GRHL2: variants seen among roughly 807,000 people sequenced by gnomAD.
GRHL2 encodes the protein grainyhead-like protein 2 homolog.
In GRHL2, 21 loss-of-function variants were observed where a neutral mutation model predicts 83.8. That is an observed-to-expected ratio of 0.25 (90% CI 0.18 to 0.36). GRHL2 has a LOEUF of 0.36. GRHL2 is among the 10% of genes least tolerant of loss of function. The pLI is 1.00. For missense variants in GRHL2, 623 were observed against 781.8 expected (o/e 0.80, Z 2.42); for synonymous variants, 280 against 278.9 (o/e 1.00, Z -0.04).
downstream of GRHL2, among the ~76,000 whole-genome samples, chr8:101,671,077 C>A (rs1426263422): frequency 6.6e-6 from 1 of 152,202 alleles, no homozygotes; most frequent in Non-Finnish European, 1.5e-5. Flanking sequence ...CTCCGGTCTA[C>A]AGCTCCCAGC....
In GRHL2 at chr8:101,669,183, C is replaced by T. The variant is rs1033587401; in HGVS notation, c.*2480C>T. ...ACTTGCCGCCTCTTCTTTTTTGTCCCTTAATCAAACTCAAATAAGCTTAAA... is the reference window on the plus strand; with the variant it reads ...ACTTGCCGCCTCTTCTTTTTTGTCCTTTAATCAAACTCAAATAAGCTTAAA... On this transcript the variant is annotated 3_prime_UTR_variant, in exon 16 of 16. Coordinates refer to ENST00000646743, the MANE Select transcript of GRHL2 (RefSeq NM_024915.4). 3 of 149,970 alleles carry T rather than the reference C, an allele frequency of 2.0e-5. No individual in the cohort carries two copies. Among genetic ancestry groups the T allele is most frequent in the African/African-American group, 7.3e-5 (3 of 40,936 alleles). The allele number at this position is 149,970 out of a possible 1,614,324, so 9.3% of individuals were successfully genotyped here.
At chr8:101,644,935 C>T (rs1813479944) in intron 13 of GRHL2, among the ~76,000 whole-genome samples, 1 of 151,636 alleles carries the variant, frequency 6.6e-6, no homozygotes, top group South Asian at 2.1e-4. Flanking sequence ...ACAGCGTCTA[C>T]CTGATGACTT....
intron 4 of GRHL2, among the ~76,000 whole-genome samples, chr8:101,566,173 A>C (rs753223390): frequency 6.6e-6 from 1 of 152,202 alleles, no homozygotes; most frequent in Non-Finnish European, 1.5e-5. Context: ...TGGCTATGGT[A>C]ACACCAAATT....
At chr8:101,561,633 A>G (rs539934476) in intron 4 of GRHL2, among the ~76,000 whole-genome samples, 1 of 152,358 alleles carries the variant, frequency 6.6e-6, no homozygotes, top group East Asian at 1.9e-4. Context: ...AATAAAGGGA[A>G]CATTTTACTG....
chr8:101,670,821 A>G (rs986076128), downstream of GRHL2, among the ~76,000 whole-genome samples: 1 of 151,936 alleles, frequency 6.6e-6, no homozygotes, highest in Non-Finnish European at 1.5e-5. Flanking sequence ...CTTGTCTCCC[A>G]CTCTCTACAC....
chr8:101,572,678 A>C (rs1271400270), intron 5 of GRHL2, among the ~76,000 whole-genome samples: 4 of 152,092 alleles, frequency 2.6e-5, no homozygotes, highest in Non-Finnish European at 2.9e-5. Flanking sequence ...GTATAGCAGA[A>C]ATAAATATTT....
rs1811293561 is a variant in GRHL2, at chr8:101,547,651, C to T, written c.216+4215C>T. On this transcript the variant is annotated intron_variant, in intron 2 of 15. Coordinates refer to ENST00000646743, the MANE Select transcript of GRHL2 (RefSeq NM_024915.4). Reference sequence around the variant, plus strand: ...ACTCAGTGGGATTTACCCAAGATCACAGGACAATCCTGTATGTTTCCTAAT... The same window carrying T: ...ACTCAGTGGGATTTACCCAAGATCATAGGACAATCCTGTATGTTTCCTAAT... 2.0e-5 allele frequency among the ~76,000 whole-genome samples: 3 copies of T among 152,230 alleles called. No homozygotes were observed. In the South Asian group the frequency reaches 6.2e-4, roughly 31 times the overall value.
intron 2 of GRHL2, among the ~76,000 whole-genome samples, chr8:101,550,982 T>A (rs1452766607): frequency 6.6e-6 from 1 of 152,214 alleles, no homozygotes; most frequent in Non-Finnish European, 1.5e-5. Context: ...TATGGCCATG[T>A]CCCATTTTGT....
chr8:101,503,689 C>T (rs1245913798), intron 1 of GRHL2, among the ~76,000 whole-genome samples: 1 of 152,072 alleles, frequency 6.6e-6, no homozygotes, highest in Non-Finnish European at 1.5e-5. Context: ...GCCTGGCTAT[C>T]AAGGGTTGGT....
At chr8:101,572,636 G>C (rs1027455031) in intron 5 of GRHL2, among the ~76,000 whole-genome samples, 1 of 152,000 alleles carries the variant, frequency 6.6e-6, no homozygotes, top group Non-Finnish European at 1.5e-5. Flanking sequence ...TGTGGTGTTT[G>C]TTATTGGATT....
chr8:101,568,451 C>T (rs1811759706), intron 4 of GRHL2, among the ~76,000 whole-genome samples: 1 of 152,244 alleles, frequency 6.6e-6, no homozygotes, highest in African/African-American at 2.4e-5. Context: ...AGCTCACCAG[C>T]TCTATGAAAT....
chr8:101,590,727 C>T (rs541617590), intron 7 of GRHL2, among the ~76,000 whole-genome samples: 7 of 152,260 alleles, frequency 4.6e-5, no homozygotes, highest in African/African-American at 7.2e-5. Flanking sequence ...CTAAGCACCA[C>T]GGCCCCAAAT....
At chr8:101,612,971 C>T (rs1351316806) in intron 8 of GRHL2, among the ~76,000 whole-genome samples, 1 of 150,958 alleles carries the variant, frequency 6.6e-6, no homozygotes, top group Non-Finnish European at 1.5e-5. Flanking sequence ...ATTTGACAGA[C>T]TGTGCCACTG....
intron 7 of GRHL2, 80 bp from the exon 8 acceptor site, chr8:101,598,977 C>A: frequency 1.1e-6 from 1 of 940,000 alleles, no homozygotes; most frequent in Non-Finnish European, 1.7e-6. Flanking sequence ...TAAATTTACC[C>A]ATTGGAAAAT....
In GRHL2 at chr8:101,596,686, T is replaced by C. The variant is rs531375020; in HGVS notation, c.1004-2371T>C. ...AATTGTTACAGTATTGTATAAAATA[T>C]TTACATATTTTTGAGAAAGGTAGGC... On this transcript the variant is annotated intron_variant, in intron 7 of 15. Coordinates refer to ENST00000646743, the MANE Select transcript of GRHL2 (RefSeq NM_024915.4). 1.7e-4 allele frequency among the ~76,000 whole-genome samples: 26 copies of C among 152,322 alleles called. No individual in the cohort carries two copies. In the South Asian group the frequency reaches 1.9e-3, roughly 11 times the overall value.
At chr8:101,605,724 A>G (rs1812620001) in intron 8 of GRHL2, among the ~76,000 whole-genome samples, 1 of 151,662 alleles carries the variant, frequency 6.6e-6, no homozygotes, top group South Asian at 2.1e-4. Flanking sequence ...GGGAGTGAAA[A>G]CTCCTTGCAC....
In GRHL2 at chr8:101,604,667, T is replaced by C. The variant is rs182358079; in HGVS notation, c.1098+5516T>C. ...TGCTTCACCCTTCCTTGGTTTATTA[T>C]ACATAAGATTAAAAAAAGCCTTCTT... is the stretch of plus-strand genomic sequence containing the variant. On this transcript the variant is annotated intron_variant, in intron 8 of 15. Coordinates refer to ENST00000646743, the MANE Select transcript of GRHL2 (RefSeq NM_024915.4). Among the ~76,000 whole-genome samples, 6 of 152,288 alleles carry C rather than the reference T, an allele frequency of 3.9e-5. No individual in the cohort carries two copies. The East Asian group carries it at 1.2e-3, about 29-fold the overall frequency.
At position 101,632,253 on chromosome 8, in the gene GRHL2, C is replaced by G; in HGVS notation, c.1373C>G (p.Pro458Arg). 1 of 1,613,992 alleles carries G rather than the reference C, an allele frequency of 6.2e-7. No homozygotes were observed. The highest frequency in any genetic ancestry group is 8.5e-7 in the Non-Finnish European group (1 of 1,179,928). The change falls in exon 11 of 16, where the codon CCT becomes CGT. Residue 458 changes from proline (P) to arginine (R), a missense_variant. By Grantham distance (103) the Pro-to-Arg change is moderately radical. Coordinates refer to ENST00000646743, the MANE Select transcript of GRHL2 (RefSeq NM_024915.4). ...TCTGATGGGAAGTTGGCTGCCATAC[C>G]TTTACAGAAGAAGAGTGACATCACC... The part of the protein sequence containing the change: ...SSSDGKLAAI[P>R]LQKKSDITYF...
chr8:101,530,156 G>C (rs955243284), intron 1 of GRHL2, among the ~76,000 whole-genome samples: 1 of 152,306 alleles, frequency 6.6e-6, no homozygotes, highest in South Asian at 2.1e-4. Context: ...CAGTCCTCAA[G>C]CACACATTAA....
Sources: gnomAD v4.1 joint callset for allele counts (sites outside exome capture counted in the v4.1 genomes callset) on GRCh38, gnomAD v4.1.1 for gene constraint, MANE v1.5 for transcripts, NCBI Gene and HGNC (gene_info 2026-07-23, HGNC 2026-07-21) for gene names.